The following GABRG3 variants were observed in gnomAD, a reference collection of about 807,000 sequenced individuals.
GABRG3 encodes the protein gamma-aminobutyric acid receptor subunit gamma-3.
GABRG3 carries 25 observed loss-of-function variants against 48.8 expected under a neutral mutation model. The observed-to-expected ratio is 0.51, with a 90% CI of 0.37 to 0.72. The LOEUF (loss-of-function observed/expected upper bound fraction) is 0.72, where lower values mean the gene tolerates loss of function less well. Ranked by LOEUF, GABRG3 falls within the 30% of genes least tolerant of loss-of-function variation. The probability of loss-of-function intolerance (pLI) is 0.00; values close to 1 mark genes in which losing one functional copy is unlikely to be tolerated. For missense variants in GABRG3, 394 were observed against 577.9 expected (o/e 0.68, Z 3.26); for synonymous variants, 227 against 217.6 (o/e 1.04, Z -0.38).
chr15:27,448,879 G>C (rs1889023985), intron 5 of GABRG3, among the ~76,000 whole-genome samples: 1 of 151,944 alleles, frequency 6.6e-6, no homozygotes, highest in Admixed American at 6.6e-5. Flanking sequence ...CCACCTTATT[G>C]TATGGTCTAG....
intron 3 of GABRG3, among the ~76,000 whole-genome samples, chr15:27,303,932 G>A (rs1187495225): frequency 2.0e-5 from 3 of 151,688 alleles, no homozygotes; most frequent in Non-Finnish European, 4.4e-5. Flanking sequence ...GACTAGTTCA[G>A]TACTCTGAAA....
At chr15:27,462,577 C>T (rs1284218771) in intron 5 of GABRG3, among the ~76,000 whole-genome samples, 1 of 152,018 alleles carries the variant, frequency 6.6e-6, no homozygotes, top group Non-Finnish European at 1.5e-5. Context: ...TTTAAGAAAC[C>T]AGTGTTTATT....
At chr15:27,345,298 T>C (rs1461438757) in intron 5 of GABRG3, among the ~76,000 whole-genome samples, 2 of 152,220 alleles carry the variant, frequency 1.3e-5, no homozygotes, top group Non-Finnish European at 2.9e-5. Context: ...TCTGGTTTAA[T>C]TGAGCATTTT....
At chr15:27,010,921 C>A (rs1435055181) in intron 2 of GABRG3, among the ~76,000 whole-genome samples, 2 of 152,146 alleles carry the variant, frequency 1.3e-5, no homozygotes, top group Non-Finnish European at 1.5e-5. Context: ...TCTTGGCTCA[C>A]TACAAGCTCT....
chr15:26,981,717 G>C (rs892445476), intron 2 of GABRG3, among the ~76,000 whole-genome samples: 2 of 152,202 alleles, frequency 1.3e-5, no homozygotes, highest in Non-Finnish European at 2.9e-5. Context: ...GATTGCAGCA[G>C]ACGCACCGTC....
intron 5 of GABRG3, among the ~76,000 whole-genome samples, chr15:27,404,161 C>T (rs1381116146): frequency 6.6e-6 from 1 of 152,120 alleles, no homozygotes; most frequent in Non-Finnish European, 1.5e-5. Context: ...GCGGAGCTTG[C>T]AGTGAGCCTA....
intron 5 of GABRG3, among the ~76,000 whole-genome samples, chr15:27,381,202 C>T (rs1288207059): frequency 6.6e-6 from 1 of 152,194 alleles, no homozygotes; most frequent in Non-Finnish European, 1.5e-5. Context: ...TTGAGTGTTT[C>T]TCTTTCTCCA....
rs148072110 is a variant in GABRG3, at chr15:27,049,073, C to G, written c.270+22252C>G. Among the ~76,000 whole-genome samples, 1,113 of 152,326 alleles carry G rather than the reference C, an allele frequency of 7.3e-3. 14 individuals carry two copies. Among genetic ancestry groups the G allele is most frequent in the African/African-American group, 0.025 (1,047 of 41,576 alleles). On this transcript the variant is annotated intron_variant, in intron 3 of 9. Coordinates refer to ENST00000615808, the MANE Select transcript of GABRG3 (RefSeq NM_033223.5). ...GCGGCTTTGCAAGCTCAGAGATTCC[C>G]AGGAAGTGCTGAGCTGCCTTTGGGC...
chr15:27,388,460 T>C (rs963576749), intron 5 of GABRG3, among the ~76,000 whole-genome samples: 1 of 150,680 alleles, frequency 6.6e-6, no homozygotes, highest in African/African-American at 2.4e-5. Context: ...GATTCAAACA[T>C]TGCTGTTGGA....
intron 3 of GABRG3, among the ~76,000 whole-genome samples, chr15:27,320,639 A>G (rs1363570560): frequency 6.6e-6 from 1 of 152,132 alleles, no homozygotes; most frequent in Non-Finnish European, 1.5e-5. Flanking sequence ...CTAAAAAATA[A>G]TGTTATTAAA....
At chr15:27,260,581 G>A (rs903070112) in intron 3 of GABRG3, among the ~76,000 whole-genome samples, 3 of 152,156 alleles carry the variant, frequency 2.0e-5, no homozygotes, top group Admixed American at 6.6e-5. Context: ...TAGGTTAGAC[G>A]CAAACACCAT....
At chr15:27,337,673 A>AT (rs1161924259) in intron 5 of GABRG3, among the ~76,000 whole-genome samples, 2 of 151,572 alleles carry the variant, frequency 1.3e-5, no homozygotes, top group East Asian at 1.9e-4. Context: ...CTCTTTTCCC[A>AT]TTTTTTCTCC....
chr15:27,008,998 G>T (rs1895638260), intron 2 of GABRG3, among the ~76,000 whole-genome samples: 3 of 152,190 alleles, frequency 2.0e-5, no homozygotes, highest in Non-Finnish European at 4.4e-5. Context: ...GGGCGAGGAT[G>T]TAGAGCAAGG....
chr15:27,081,340 G>T (rs1896989492), intron 3 of GABRG3, among the ~76,000 whole-genome samples: 1 of 151,928 alleles, frequency 6.6e-6, no homozygotes, highest in South Asian at 2.1e-4. Flanking sequence ...ACTGCTTTGG[G>T]TTGGGAAACT....
intron 3 of GABRG3, among the ~76,000 whole-genome samples, chr15:27,292,178 A>C (rs187615345): frequency 3.3e-5 from 5 of 149,712 alleles, no homozygotes; most frequent in Non-Finnish European, 5.9e-5. Flanking sequence ...TTCTTTATCC[A>C]GTCTATCATT....
chr15:27,535,636 T>TA lies in GABRG3; in HGVS notation c.*2758dup. On this transcript the variant is annotated 3_prime_UTR_variant, in exon 10 of 10. Transcript: ENST00000615808. ...ACTAGGGGGTCTCAATAAAAAGAGC[T>TA]AAAGCACCCCCTAAGAGCATGTCCA... 1 of 152,314 alleles carries TA rather than the reference T, an allele frequency of 6.6e-6. No homozygotes were observed. Among genetic ancestry groups the TA allele is most frequent in the South Asian group, 2.1e-4 (1 of 4,826 alleles). The allele number at this position is 152,314 out of a possible 1,614,324, so 9.4% of individuals were successfully genotyped here. A position where few individuals can be genotyped will look rare whatever the true frequency, so the allele number is the denominator to read the frequency against.
chr15:27,075,251 G>A (rs1896891749), intron 3 of GABRG3, among the ~76,000 whole-genome samples: 1 of 152,272 alleles, frequency 6.6e-6, no homozygotes, highest in East Asian at 1.9e-4. Flanking sequence ...GTATTTAGTG[G>A]AATAGGTTTA....
At position 27,369,806 on chromosome 15, in the gene GABRG3, C is replaced by CAAAA. The variant is rs34901488; in HGVS notation, c.574+40943_574+40946dup. On this transcript the variant is annotated intron_variant, in intron 5 of 9. Coordinates refer to ENST00000615808, the MANE Select transcript of GABRG3 (RefSeq NM_033223.5). Reference sequence around the variant, plus strand: ...TGGGCGACAGAGTGAGACTCCGTCTCAAAAAAAAAAAAAAAAAAAAAAAAA... The same window carrying CAAAA: ...TGGGCGACAGAGTGAGACTCCGTCTCAAAAAAAAAAAAAAAAAAAAAAAAAAAAA... 1.6e-3 allele frequency among the ~76,000 whole-genome samples: 47 copies of CAAAA among 30,266 alleles called. 2 individuals carry two copies. The highest frequency in any genetic ancestry group is 3.1e-3 in the African/African-American group (35 of 11,134). 19.9% of individuals were successfully genotyped at this position (30,266 alleles called of 152,430 possible). A position where few individuals can be genotyped will look rare whatever the true frequency, so the allele number is the denominator to read the frequency against.
chr15:27,219,877 G>A (rs1265671336), intron 3 of GABRG3, among the ~76,000 whole-genome samples: 1 of 152,232 alleles, frequency 6.6e-6, no homozygotes, highest in Non-Finnish European at 1.5e-5. Context: ...GCAGGGACTT[G>A]TGCAACTGTT....
Sources: allele counts gnomAD v4.1 joint callset (sites outside exome capture counted in the v4.1 genomes callset), GRCh38; gene constraint gnomAD v4.1.1; transcripts MANE v1.5; gene names NCBI Gene and HGNC (gene_info 2026-07-23, HGNC 2026-07-21).